NCOR1: variants seen among roughly 807,000 people sequenced by gnomAD.
NCOR1 encodes nuclear receptor corepressor 1, also known as protein phosphatase 1, regulatory subunit 109.
In NCOR1, 63 loss-of-function variants were observed where a neutral mutation model predicts 288.1. The ratio of observed to expected loss-of-function variants is 0.22; its 90% confidence interval spans 0.18 to 0.27. NCOR1 has a LOEUF of 0.27. Ranked by LOEUF, NCOR1 falls within the 10% of genes least tolerant of loss-of-function variation. NCOR1 has a pLI of 1.00. For missense variants in NCOR1, 2,397 were observed against 3,019.2 expected (o/e 0.79, Z 4.83); for synonymous variants, 1,007 against 1,065.9 (o/e 0.94, Z 1.08).
chr17:16,154,578 A>G (rs1240728343), intron 6 of NCOR1, among the ~76,000 whole-genome samples: 1 of 152,198 alleles, frequency 6.6e-6, no homozygotes, highest in Non-Finnish European at 1.5e-5. Flanking sequence ...GGGTAAAGAT[A>G]TTGCTAACAA....
intron 42 of NCOR1, among the ~76,000 whole-genome samples, chr17:16,041,863 A>C (rs1042782569): frequency 1.3e-5 from 2 of 151,670 alleles, no homozygotes; most frequent in African/African-American, 4.8e-5. Flanking sequence ...CAGCCCCCCG[A>C]GTGGCTGGGA....
chr17:16,086,155 C>G (rs2064193528), intron 23 of NCOR1, 127 bp downstream of exon 23: 1 of 1,105,454 alleles, frequency 9.0e-7, no homozygotes, highest in Non-Finnish European at 1.3e-6. Context: ...GTCATTATCT[C>G]TTGAAACTTC....
intron 2 of NCOR1, among the ~76,000 whole-genome samples, chr17:16,193,425 G>A (rs2089023969): frequency 6.6e-6 from 1 of 151,940 alleles, no homozygotes; most frequent in African/African-American, 2.4e-5. Flanking sequence ...TAGAGATGGG[G>A]TTTCACCATG....
chr17:16,045,000 A>T, intron 42 of NCOR1: 4 of 233,038 alleles, frequency 1.7e-5, no homozygotes, highest in Non-Finnish European at 1.7e-5. Context: ...TGAACTTAAG[A>T]AAAAAAAAAA....
At chr17:16,124,509 C>T (rs1370367891) in intron 15 of NCOR1, among the ~76,000 whole-genome samples, 2 of 152,140 alleles carry the variant, frequency 1.3e-5, no homozygotes, top group African/African-American at 4.8e-5. Context: ...CAAAACACAT[C>T]AATGTACACA....
intron 4 of NCOR1, 129 bp from the exon 5 acceptor site, chr17:16,165,290 A>T (rs1015360732): frequency 1.5e-5 from 10 of 665,656 alleles, no homozygotes; most frequent in African/African-American, 1.3e-4. Context: ...AACTTTTAGT[A>T]GTAACTTTCA....
At chr17:16,049,111 GA>G (rs1388352160) in intron 40 of NCOR1, 123 bp from the exon 41 acceptor site, 8 of 1,022,134 alleles carry the variant, frequency 7.8e-6, no homozygotes, top group Non-Finnish European at 9.5e-6. Context: ...ATTTCTATCA[GA>G]AAAAAAGTTG....
chr17:16,147,047 A>C (rs1175640765), intron 9 of NCOR1, among the ~76,000 whole-genome samples: 1 of 152,222 alleles, frequency 6.6e-6, no homozygotes, highest in Non-Finnish European at 1.5e-5. Context: ...TGCTATAATA[A>C]ATAATGCTAT....
chr17:16,173,096 A>G (rs781447737), intron 3 of NCOR1, among the ~76,000 whole-genome samples: 1 of 151,940 alleles, frequency 6.6e-6, no homozygotes, highest in Non-Finnish European at 1.5e-5. Context: ...ATGCCAGGCT[A>G]ATTTTTGTAG....
chr17:16,209,970 T>C (rs1258494553), intron 1 of NCOR1, among the ~76,000 whole-genome samples: 1 of 151,722 alleles, frequency 6.6e-6, no homozygotes, highest in Non-Finnish European at 1.5e-5. Context: ...TGTTCATGTT[T>C]GTGCTATTTA....
intron 14 of NCOR1, among the ~76,000 whole-genome samples, chr17:16,131,770 C>G (rs900867154): frequency 3.9e-5 from 6 of 152,224 alleles, no homozygotes; most frequent in African/African-American, 1.4e-4. Context: ...AGCTGTCAAT[C>G]ACCAAAAAAC....
At chr17:16,151,851 A>G in intron 8 of NCOR1, 95 bp downstream of exon 8, 2 of 1,014,178 alleles carry the variant, frequency 2.0e-6, no homozygotes, top group Non-Finnish European at 3.0e-6. Flanking sequence ...ACATACCTAC[A>G]ATATATTATA....
intron 14 of NCOR1, 84 bp downstream of exon 14, chr17:16,137,227 A>G: frequency 2.7e-6 from 2 of 732,896 alleles, no homozygotes; most frequent in East Asian, 5.8e-5. Context: ...CTACACACTA[A>G]GGGCAGGACT....
At chr17:16,069,572 CAAT>C (rs1457526177) in intron 31 of NCOR1, among the ~76,000 whole-genome samples, 1 of 152,198 alleles carries the variant, frequency 6.6e-6, no homozygotes, top group South Asian at 2.1e-4. Context: ...ATAGTGACAA[CAAT>C]AATAACAACA....
At position 16,080,715 on chromosome 17, in the gene NCOR1, T is replaced by C; in HGVS notation, c.3190A>G (p.Thr1064Ala). The C allele has an allele frequency of 6.2e-7, 1 of 1,612,388 alleles. No homozygotes were observed. The highest frequency in any genetic ancestry group is 8.5e-7 in the Non-Finnish European group (1 of 1,179,274). The change falls in exon 24 of 46, where the codon ACT (threonine) becomes GCT (alanine). Residue 1064 changes from threonine (T) to alanine (A), a missense_variant. By Grantham distance (58) the Thr-to-Ala change is moderately conservative. Transcript: ENST00000268712. Reference sequence around the variant, plus strand: ...GCCTGATTATGAGAAGTCAAATAAGTGCCTGGTGTTCCCTAAGAAAAAAAC... The same window carrying C: ...GCCTGATTATGAGAAGTCAAATAAGCGCCTGGTGTTCCCTAAGAAAAAAAC... Reference protein sequence around the residue: ...GGSISQGTPGTYLTSHNQASY... With the variant: ...GGSISQGTPGAYLTSHNQASY...
At chr17:16,088,974 G>A (rs917723154) in intron 22 of NCOR1, among the ~76,000 whole-genome samples, 1 of 151,838 alleles carries the variant, frequency 6.6e-6, no homozygotes, top group Non-Finnish European at 1.5e-5. Context: ...TGAGAAAACA[G>A]ATTTATGAAA....
chr17:16,187,262 A>C (rs2086857105), intron 2 of NCOR1, among the ~76,000 whole-genome samples: 1 of 151,548 alleles, frequency 6.6e-6, no homozygotes, highest in Non-Finnish European at 1.5e-5. Flanking sequence ...CTCAATCATA[A>C]ACAGAAAAAC....
In NCOR1 at chr17:16,184,744, T is replaced by C. The variant is rs115479232; in HGVS notation, c.242+1810A>G. ...ACCCAAGGGAAATGAAATCACCATC[T>C]TGTAAAGGTAAATGCACTCCCATGT... On this transcript the variant is annotated intron_variant, in intron 3 of 45. Coordinates refer to ENST00000268712, the MANE Select transcript of NCOR1 (RefSeq NM_006311.4). Among the ~76,000 whole-genome samples, 419 of 152,226 alleles carry C rather than the reference T, an allele frequency of 2.8e-3. 2 individuals carry two copies. The highest frequency in any genetic ancestry group is 9.6e-3 in the African/African-American group (398 of 41,550).
At chr17:16,185,070 C>T (rs1386528991) in intron 3 of NCOR1, among the ~76,000 whole-genome samples, 1 of 144,588 alleles carries the variant, frequency 6.9e-6, no homozygotes, top group East Asian at 2.0e-4. Context: ...ACAGTGGTTA[C>T]CAGGGGCAGG....
Sources: allele counts gnomAD v4.1 joint callset (sites outside exome capture counted in the v4.1 genomes callset), GRCh38; gene constraint gnomAD v4.1.1; transcripts MANE v1.5; gene names NCBI Gene and HGNC (gene_info 2026-07-23, HGNC 2026-07-21).